Variants in RCC2 observed in about 807,000 individuals in gnomAD.
RCC2 encodes the protein protein RCC2.
A neutral mutation model predicts 64.1 loss-of-function variants in RCC2; 19 were observed. That is an observed-to-expected ratio of 0.30 (90% CI 0.21 to 0.44). The LOEUF (loss-of-function observed/expected upper bound fraction) is 0.44, where lower values mean the gene tolerates loss of function less well. RCC2 is among the 20% of genes least tolerant of loss of function. RCC2 has a pLI of 1.00. For synonymous variants in RCC2, 325 were observed against 279.6 expected, an observed-to-expected ratio of 1.16 and a Z score of -1.62; for missense variants, 508 against 710.4, an observed-to-expected ratio of 0.72 and a Z score of 3.24.
chr1:17,409,305 A>G, intron 12 of RCC2, 111 bp from the exon 13 acceptor site: 1 of 734,482 alleles, frequency 1.4e-6, no homozygotes, highest in Non-Finnish European at 2.4e-6. Context: ...AGAAAAACAG[A>G]GTGCCCTTGA....
chr1:17,412,103 C>A lies in RCC2; in HGVS notation c.1386+19G>T. The A allele has an allele frequency of 6.2e-7, 1 of 1,613,534 alleles. No individual in the cohort carries two copies. Among genetic ancestry groups the A allele is most frequent in the South Asian group, 1.1e-5 (1 of 91,048 alleles). On this transcript the variant is annotated intron_variant, in intron 11 of 12. Transcript: ENST00000375436. ...TGACTGGCTTCCACTTCCCCTGACC[C>A]GCACAGGTGACAGCTTACCAGTTCC... is the stretch of plus-strand genomic sequence containing the variant.
In RCC2 at chr1:17,431,359, A is replaced by ATAAAAATATAT. The variant is rs1265674393; in HGVS notation, c.286-2161_286-2160insATATATTTTTA. 6.8e-3 allele frequency among the ~76,000 whole-genome samples: 306 copies of ATAAAAATATAT among 44,936 alleles called. 45 individuals carry two copies. The South Asian group carries it at 0.085, about 12-fold the overall frequency. 29.5% of individuals were successfully genotyped at this position (44,936 alleles called of 152,430 possible). A position where few individuals can be genotyped will look rare whatever the true frequency, so the allele number is the denominator to read the frequency against. ...AAAAAAAAAAAAAAAAAAAAAAAAA[A>ATAAAAATATAT]ATATATATATATATATATATATGTG... On this transcript the variant is annotated intron_variant, in intron 2 of 12. Coordinates refer to ENST00000375436, the MANE Select transcript of RCC2 (RefSeq NM_018715.4).
chr1:17,437,532 C>T (rs1359185623), intron 2 of RCC2, among the ~76,000 whole-genome samples: 2 of 152,150 alleles, frequency 1.3e-5, no homozygotes, highest in Non-Finnish European at 2.9e-5. Context: ...CCGCCCAGGA[C>T]CCTAGGAGAT....
chr1:17,429,177 T>C lies in RCC2; in HGVS notation c.308A>G (p.Lys103Arg). ...TGCCCCAAAAATCAAAAGCTGCCCTTTGCACTTTGACCCTTCAAGTTTCTG... is the reference window on the plus strand; with the variant it reads ...TGCCCCAAAAATCAAAAGCTGCCCTCTGCACTTTGACCCTTCAAGTTTCTG... ...ERVKLEGSKC[K>R]GQLLIFGATN... The change falls in exon 3 of 13, where the codon AAA becomes AGA. Residue 103 changes from lysine to arginine, a missense_variant. By Grantham distance (26) the Lys-to-Arg change is conservative (BLOSUM62 2). Transcript: ENST00000375436. 1 of 1,614,138 alleles carries C rather than the reference T, an allele frequency of 6.2e-7. No homozygotes were observed. Among genetic ancestry groups the C allele is most frequent in the Middle Eastern group, 1.6e-4 (1 of 6,062 alleles).
chr1:17,438,326 G>T lies in RCC2; in HGVS notation c.189C>A (p.Pro63=). Residue 63 remains proline (P), a synonymous_variant, in exon 2 of 13, where the codon CCC becomes CCA. Transcript: ENST00000375436. ...GCCGCGCCGCGCGCTTGCCCCCGCC[G>T]GGGGCCCCGTCGAGCTCCAGGCCGT... ...DEDGLELDGA[P]GGGKRAARPA... is the part of the protein sequence containing the mutation. 1 of 1,242,186 alleles carries T rather than the reference G, an allele frequency of 8.1e-7. No individual in the cohort carries two copies. The highest frequency in any genetic ancestry group is 1.0e-6 in the Non-Finnish European group (1 of 988,682). The allele number at this position is 1,242,186 out of a possible 1,614,324, so 76.9% of individuals were successfully genotyped here. A position where few individuals can be genotyped will look rare whatever the true frequency, so the allele number is the denominator to read the frequency against.
At position 17,422,358 on chromosome 1, in the gene RCC2, C is replaced by A; in HGVS notation, c.656-67G>T. 5 of 1,388,418 alleles carry A rather than the reference C, an allele frequency of 3.6e-6. No homozygotes were observed. The South Asian group carries it at 6.0e-5, about 17-fold the overall frequency. 86.0% of individuals were successfully genotyped at this position (1,388,418 alleles called of 1,614,324 possible). ...GAATGTTTTGAACTAGATTTAGAAT[C>A]AAAGGCATCAAAATAATAAAAACAG... is the stretch of plus-strand genomic sequence containing the variant. On this transcript the variant is annotated intron_variant, in intron 5 of 12. Coordinates refer to ENST00000375436, the MANE Select transcript of RCC2 (RefSeq NM_018715.4).
chr1:17,437,853 G>A (rs965361576), intron 2 of RCC2, among the ~76,000 whole-genome samples: 10 of 145,942 alleles, frequency 6.9e-5, no homozygotes, highest in Non-Finnish European at 1.1e-4. Context: ...CCCTCTTCCA[G>A]GCCGGGCGAA....
chr1:17,415,446 C>T (rs1426724107), intron 8 of RCC2, among the ~76,000 whole-genome samples: 1 of 152,200 alleles, frequency 6.6e-6, no homozygotes, highest in Non-Finnish European at 1.5e-5. Context: ...GGCGCGGTGG[C>T]TCACACCTAT....
chr1:17,413,898 A>G (rs1329935193), intron 8 of RCC2, among the ~76,000 whole-genome samples, 181 bp from the exon 9 acceptor site: 2 of 152,236 alleles, frequency 1.3e-5, no homozygotes, highest in Non-Finnish European at 2.9e-5. Flanking sequence ...TGGGAGGCCA[A>G]GGTGGGTGGA....
At chr1:17,411,844 A>C (rs2075430302) in intron 11 of RCC2, among the ~76,000 whole-genome samples, 1 of 152,168 alleles carries the variant, frequency 6.6e-6, no homozygotes, top group Non-Finnish European at 1.5e-5. Context: ...ACCATAACCC[A>C]ACTGTGGTTT....
At chr1:17,412,581 T>G (rs1441952805) in intron 10 of RCC2, among the ~76,000 whole-genome samples, 2 of 152,120 alleles carry the variant, frequency 1.3e-5, no homozygotes, top group African/African-American at 4.8e-5. Context: ...TTCAACAGAT[T>G]AAAGCCACGC....
At position 17,430,576 on chromosome 1, in the gene RCC2, A is replaced by T. The variant is rs184109755; in HGVS notation, c.286-1377T>A. Among the ~76,000 whole-genome samples the T allele has an allele frequency of 7.7e-4, 117 of 152,192 alleles. 1 individual carries two copies. Among genetic ancestry groups the T allele is most frequent in the African/African-American group, 2.7e-3 (113 of 41,552 alleles). Reference sequence around the variant, plus strand: ...GCTGAGGCGGGTGAATCACGAGGTCAGGAGTTCAAGACCAGCCTGGCCAAT... The same window carrying T: ...GCTGAGGCGGGTGAATCACGAGGTCTGGAGTTCAAGACCAGCCTGGCCAAT... On this transcript the variant is annotated intron_variant, in intron 2 of 12. Transcript: ENST00000375436.
intron 4 of RCC2, among the ~76,000 whole-genome samples, chr1:17,424,018 G>A (rs2075585974): frequency 6.6e-6 from 1 of 152,214 alleles, no homozygotes; most frequent in South Asian, 2.1e-4. Context: ...AGATACACCA[G>A]CTTCCAATGG....
chr1:17,413,207 G>A (rs369293453), intron 9 of RCC2, 29 bp from the exon 10 acceptor site: 31 of 1,487,330 alleles, frequency 2.1e-5, no homozygotes, highest in African/African-American at 5.5e-5. Flanking sequence ...TGTTCCCAGC[G>A]TGACCAGACA....
At chr1:17,431,194 C>G (rs978806145) in intron 2 of RCC2, among the ~76,000 whole-genome samples, 17 of 149,490 alleles carry the variant, frequency 1.1e-4, no homozygotes, top group South Asian at 2.1e-4. Context: ...ATTAGCCGGG[C>G]ATGGTGACCG....
At chr1:17,420,857 T>G in intron 6 of RCC2, 29 bp from the exon 7 acceptor site, 5 of 1,446,470 alleles carry the variant, frequency 3.5e-6, no homozygotes, top group Non-Finnish European at 4.8e-6. Context: ...AGACTTTCAT[T>G]TTTTTTAAAG....
At chr1:17,431,518 A>G (rs11576564) in intron 2 of RCC2, among the ~76,000 whole-genome samples, 48 of 144,782 alleles carry the variant, frequency 3.3e-4, no homozygotes, top group East Asian at 1.0e-3. Context: ...AAAAAAAAAA[A>G]AAAGAAAGAA....
chr1:17,421,481 G>A (rs113446968), intron 6 of RCC2, among the ~76,000 whole-genome samples: 2,632 of 151,074 alleles, frequency 0.017, 28 homozygotes, highest in Middle Eastern at 0.066. Context: ...GCAACAGAGC[G>A]AGACTCTGTC....
At chr1:17,429,287 G>A in intron 2 of RCC2, 88 bp from the exon 3 acceptor site, 1 of 1,034,250 alleles carries the variant, frequency 9.7e-7, no homozygotes, top group Non-Finnish European at 1.5e-6. Context: ...CGAAACGAAA[G>A]AAAATCATTC....
Sources: allele counts gnomAD v4.1 joint callset (sites outside exome capture counted in the v4.1 genomes callset), GRCh38; gene constraint gnomAD v4.1.1; transcripts MANE v1.5; gene names NCBI Gene and HGNC (gene_info 2026-07-23, HGNC 2026-07-21).